MCC: variants seen among roughly 807,000 people sequenced by gnomAD.
MCC encodes colorectal mutant cancer protein.
A neutral mutation model predicts 116.2 loss-of-function variants in MCC; 90 were observed. That is an observed-to-expected ratio of 0.77 (90% CI 0.65 to 0.92). The LOEUF (loss-of-function observed/expected upper bound fraction) is 0.92, where lower values mean the gene tolerates loss of function less well. Ranked by LOEUF, MCC falls within the 40% of genes least tolerant of loss-of-function variation. MCC has a pLI of 0.00. For missense variants in MCC, 1,516 were observed against 1,312.2 expected (o/e 1.16, Z -2.40); for synonymous variants, 578 against 510.5 (o/e 1.13, Z -1.78).
intron 3 of MCC, among the ~76,000 whole-genome samples, chr5:113,310,530 C>A (rs933597457): frequency 3.9e-5 from 6 of 152,228 alleles, no homozygotes; most frequent in Admixed American, 3.9e-4. Context: ...CTAGCCCAAA[C>A]CTTTGTCCAA....
intron 2 of MCC, among the ~76,000 whole-genome samples, chr5:113,371,326 G>A (rs1415315630): frequency 1.3e-5 from 2 of 152,162 alleles, no homozygotes; most frequent in Non-Finnish European, 2.9e-5. Flanking sequence ...ATATCATTTA[G>A]TCCTCTAGGT....
chr5:113,297,086 T>C (rs145859604), intron 3 of MCC, among the ~76,000 whole-genome samples: 8 of 152,382 alleles, frequency 5.2e-5, no homozygotes, highest in Middle Eastern at 3.4e-3. Context: ...TCAATACTTA[T>C]ACTTCACATA....
chr5:113,111,079 C>A (rs1210732947), intron 6 of MCC, among the ~76,000 whole-genome samples: 1 of 152,134 alleles, frequency 6.6e-6, no homozygotes, highest in Non-Finnish European at 1.5e-5. Context: ...GATAAGAGCT[C>A]AATAATACAC....
chr5:113,370,355 A>C (rs1409348409), intron 2 of MCC, among the ~76,000 whole-genome samples: 2 of 152,256 alleles, frequency 1.3e-5, no homozygotes, highest in Non-Finnish European at 2.9e-5. Context: ...CATCCCAAAC[A>C]GGGCAAAGTG....
chr5:113,168,330 G>A (rs1760883520), intron 3 of MCC, among the ~76,000 whole-genome samples: 2 of 152,158 alleles, frequency 1.3e-5, no homozygotes, highest in Admixed American at 1.3e-4. Flanking sequence ...AATGCCAGAT[G>A]TTAAGAGTAC....
At chr5:113,036,249 G>T (rs1219877355) in intron 17 of MCC, among the ~76,000 whole-genome samples, 1 of 151,952 alleles carries the variant, frequency 6.6e-6, no homozygotes, top group African/African-American at 2.4e-5. Context: ...TGTTGGCCAG[G>T]CCAGTCTTGA....
chr5:113,300,437 TTAAAC>T (rs1434598642), intron 3 of MCC, among the ~76,000 whole-genome samples: 1 of 152,190 alleles, frequency 6.6e-6, no homozygotes, highest in Admixed American at 6.5e-5. Flanking sequence ...AGCAGTCTGG[TTAAAC>T]TAATTCACAC....
chr5:113,376,571 T>TTA (rs569467156), intron 2 of MCC, among the ~76,000 whole-genome samples: 4,452 of 135,658 alleles, frequency 0.033, 219 homozygotes, highest in African/African-American at 0.1. Flanking sequence ...TTGCCATATT[T>TTA]TATACACACA....
At chr5:113,446,382 G>A (rs1427494015) in intron 1 of MCC, among the ~76,000 whole-genome samples, 1 of 151,808 alleles carries the variant, frequency 6.6e-6, no homozygotes, top group African/African-American at 2.4e-5. Flanking sequence ...GGATCTATAA[G>A]GAACTGAAAT....
At chr5:113,454,846 G>C (rs1349645491) in intron 1 of MCC, among the ~76,000 whole-genome samples, 1 of 152,102 alleles carries the variant, frequency 6.6e-6, no homozygotes, top group Non-Finnish European at 1.5e-5. Context: ...ATGTTCATCT[G>C]GGAGAGGAAA....
chr5:113,304,769 A>G (rs1036794789), intron 3 of MCC, among the ~76,000 whole-genome samples: 2 of 152,236 alleles, frequency 1.3e-5, no homozygotes, highest in African/African-American at 4.8e-5. Flanking sequence ...AGGAAGTTAA[A>G]AAAAAAAGTT....
At chr5:113,109,347 T>C (rs1756941339) in intron 6 of MCC, among the ~76,000 whole-genome samples, 1 of 152,156 alleles carries the variant, frequency 6.6e-6, no homozygotes. Flanking sequence ...AGAAATAAAA[T>C]TCTTTTACAT....
chr5:113,274,236 A>C (rs182300173), intron 3 of MCC, among the ~76,000 whole-genome samples: 5 of 152,320 alleles, frequency 3.3e-5, no homozygotes, highest in Non-Finnish European at 2.9e-5. Context: ...GGGTGTTAGA[A>C]ACTTCTTGGT....
chr5:113,225,935 G>A (rs556961223), intron 3 of MCC, among the ~76,000 whole-genome samples: 42 of 152,356 alleles, frequency 2.8e-4, no homozygotes, highest in Admixed American at 1.9e-3. Context: ...CACTTTGGAA[G>A]GCCAAGGCAG....
chr5:113,022,851 C>A lies in MCC; in HGVS notation c.*4451G>T, dbSNP rs1345854020. The A allele has an allele frequency of 6.6e-6, 1 of 152,210 alleles. No individual in the cohort carries two copies. Among genetic ancestry groups the A allele is most frequent in the East Asian group, 1.9e-4 (1 of 5,200 alleles). 9.4% of individuals were successfully genotyped at this position (152,210 alleles called of 1,614,324 possible). ...AGGATGTGGTTTTACATAGCAGTTG[C>A]TATTTCCGGGACTGAATGATTTCTT... On this transcript the variant is annotated 3_prime_UTR_variant, in exon 19 of 19. Coordinates refer to ENST00000408903, the MANE Select transcript of MCC (RefSeq NM_001085377.2).
intron 3 of MCC, among the ~76,000 whole-genome samples, chr5:113,230,975 C>T (rs1299646495): frequency 1.2e-4 from 19 of 152,148 alleles, no homozygotes; most frequent in Admixed American, 9.8e-4. Context: ...CCGACAAACA[C>T]TCCCCCAGCT....
At chr5:113,450,247 C>T (rs1771352327) in intron 1 of MCC, among the ~76,000 whole-genome samples, 1 of 152,088 alleles carries the variant, frequency 6.6e-6, no homozygotes, top group East Asian at 1.9e-4. Flanking sequence ...TAGCACCTTA[C>T]CTTGAATTAG....
chr5:113,463,218 G>A (rs753424833), intron 1 of MCC, among the ~76,000 whole-genome samples: 4 of 152,036 alleles, frequency 2.6e-5, no homozygotes, highest in Non-Finnish European at 4.4e-5. Context: ...AGGAGAGGAA[G>A]CCTTTTTGGC....
chr5:113,055,439 C>T (rs949477138), intron 14 of MCC, among the ~76,000 whole-genome samples: 12 of 152,210 alleles, frequency 7.9e-5, no homozygotes, highest in African/African-American at 2.9e-4. Context: ...GCTACGAAGA[C>T]AAGGCTTCCG....
Sources: allele counts gnomAD v4.1 joint callset (sites outside exome capture counted in the v4.1 genomes callset), GRCh38; gene constraint gnomAD v4.1.1; transcripts MANE v1.5; gene names NCBI Gene and HGNC (gene_info 2026-07-23, HGNC 2026-07-21).